CHI3L1: variants seen among roughly 807,000 people sequenced by gnomAD.
CHI3L1 encodes the protein chitinase-3-like protein 1.
CHI3L1 carries 30 observed loss-of-function variants against 40.7 expected under a neutral mutation model. The observed-to-expected ratio is 0.74, with a 90% CI of 0.55 to 1.00. The LOEUF (loss-of-function observed/expected upper bound fraction) is 1.00, where lower values mean the gene tolerates loss of function less well. Among genes scored for constraint, CHI3L1 ranks in the 50% least tolerant of loss-of-function variants. CHI3L1 has a pLI of 0.00. For synonymous variants in CHI3L1, 210 were observed against 192.1 expected, an observed-to-expected ratio of 1.09 and a Z score of -0.77; for missense variants, 493 against 492.2, an observed-to-expected ratio of 1.00 and a Z score of -0.01.
intron 4 of CHI3L1, among the ~76,000 whole-genome samples, chr1:203,184,202 C>T (rs1035592553): frequency 6.6e-6 from 1 of 152,220 alleles, no homozygotes; most frequent in Non-Finnish European, 1.5e-5. Flanking sequence ...CCAACCCCAC[C>T]TAATCCAAAG....
intron 7 of CHI3L1, 49 bp from the exon 8 acceptor site, chr1:203,180,701 G>C (rs532425971): frequency 5.6e-6 from 8 of 1,425,044 alleles, no homozygotes; most frequent in Non-Finnish European, 7.7e-6. Context: ...GCACAGGTGC[G>C]GAAGGTTGAG....
At position 203,186,655 on chromosome 1, in the gene CHI3L1, C is replaced by G. The variant is rs1656062590; in HGVS notation, c.-32G>C. 6.2e-7 allele frequency: 1 copy of G among 1,613,802 alleles called. No individual in the cohort carries two copies. The highest frequency in any genetic ancestry group is 1.7e-5 in the Admixed American group (1 of 59,996). On this transcript the variant is annotated 5_prime_UTR_variant, in exon 1 of 10. Transcript: ENST00000255409. Reference sequence around the variant, plus strand: ...TGCAGCAGAGCAGGGCAGGGTGTGGCCTCTTCCCTTGCCCACGGCTCCTGG... The same window carrying G: ...TGCAGCAGAGCAGGGCAGGGTGTGGGCTCTTCCCTTGCCCACGGCTCCTGG...
chr1:203,179,593 G>T lies in CHI3L1; in HGVS notation c.1012-8C>A. On this transcript the variant is annotated splice_polypyrimidine_tract_variant and splice_region_variant and intron_variant, in intron 9 of 9. Transcript: ENST00000255409. ...GTCCTTCAGGTACTGCACCTGGCAG[G>T]GGAGGCCCAGAGGAGCAGGGCTGGG... 1 of 1,612,038 alleles carries T rather than the reference G, an allele frequency of 6.2e-7. No homozygotes were observed. The highest frequency in any genetic ancestry group is 8.5e-7 in the Non-Finnish European group (1 of 1,178,378).
At chr1:203,179,661 G>A (rs746542665) in intron 9 of CHI3L1, 76 bp from the exon 10 acceptor site, 1 of 1,613,742 alleles carries the variant, frequency 6.2e-7, no homozygotes, top group Non-Finnish European at 8.5e-7. Context: ...TGCTCTGTGA[G>A]CCCAGCCCAG....
rs880633 is a variant in CHI3L1 at position 203,183,673 on chromosome 1, T to C, written c.433A>G (p.Arg145Gly). Residue 145 changes from arginine (R) to glycine (G), a missense_variant, in exon 5 of 10, where the codon AGA (arginine) becomes GGA (glycine). Physicochemically the swap from Arg to Gly is moderately radical, Grantham distance 125 (BLOSUM62 -2). Transcript: ENST00000255409. Reference protein sequence around the residue: ...LDLAWLYPGRRDKQHFTTLIK... With the variant: ...LDLAWLYPGRGDKQHFTTLIK... ...AGGGTGGTAAAATGCTGTTTGTCTC[T>C]CCGTCCAGGGTAGAGCCAGGCAAGG... The C allele has an allele frequency of 0.49, 790,728 of 1,613,670 alleles. 199,632 individuals are homozygous for C. Among genetic ancestry groups the C allele is most frequent in the Non-Finnish European group, 0.52 (618,195 of 1,179,758 alleles).
In CHI3L1 at chr1:203,179,000, AT is replaced by A. The variant is rs1190974208; in HGVS notation, c.*444del. The A allele has an allele frequency of 6.4e-6, 1 of 157,328 alleles. No homozygotes were observed. Among genetic ancestry groups the A allele is most frequent in the East Asian group, 1.9e-4 (1 of 5,316 alleles). The allele number at this position is 157,328 out of a possible 1,614,324, so 9.7% of individuals were successfully genotyped here. A position where few individuals can be genotyped will look rare whatever the true frequency, so the allele number is the denominator to read the frequency against. On this transcript the variant is annotated 3_prime_UTR_variant, in exon 10 of 10. Coordinates refer to ENST00000255409, the MANE Select transcript of CHI3L1 (RefSeq NM_001276.4). ...AAGGGGAAGTAGGATAGGGGACACGATTACGTTCCTAAGTGAAGGTTTCAAG... is the reference window on the plus strand; with the variant it reads ...AAGGGGAAGTAGGATAGGGGACACGATACGTTCCTAAGTGAAGGTTTCAAG...
In CHI3L1 at chr1:203,181,190, T is replaced by C; in HGVS notation, c.683A>G (p.Asp228Gly). The C allele has an allele frequency of 6.2e-7, 1 of 1,614,126 alleles. No individual in the cohort carries two copies. The highest frequency in any genetic ancestry group is 1.3e-5 in the African/African-American group (1 of 75,042). Residue 228 changes from aspartate (D) to glycine (G), a missense_variant, in exon 7 of 10, where the codon GAT becomes GGT. Coordinates refer to ENST00000255409, the MANE Select transcript of CHI3L1 (RefSeq NM_001276.4). ...GTTGCTGAATCTGTCAGGACTTGCA[T>C]CCTCCTGACCTCGGAACAGGGGACT... Reference protein sequence around the residue: ...HHSPLFRGQEDASPDRFSNTD... With the variant: ...HHSPLFRGQEGASPDRFSNTD...
rs913443459 is a variant in CHI3L1 at position 203,185,492 on chromosome 1, G to C, written c.56-107C>G. ...GGTGTGGGGTTGGGTAGGGAGGAGT[G>C]GGGTGCAGATTGTGAGCAAAGTCAG... On this transcript the variant is annotated intron_variant, in intron 2 of 9. Coordinates refer to ENST00000255409, the MANE Select transcript of CHI3L1 (RefSeq NM_001276.4). 8 of 907,634 alleles carry C rather than the reference G, an allele frequency of 8.8e-6. No homozygotes were observed. In the South Asian group the frequency reaches 1.0e-4, roughly 11 times the overall value. 56.2% of individuals were successfully genotyped at this position (907,634 alleles called of 1,614,324 possible).
At chr1:203,179,631 G>C in intron 9 of CHI3L1, 46 bp from the exon 10 acceptor site, 4 of 1,613,738 alleles carry the variant, frequency 2.5e-6, no homozygotes, top group Non-Finnish European at 2.5e-6. Flanking sequence ...CCCTGACCCA[G>C]AGTGTGTACA....
intron 4 of CHI3L1, 23 bp downstream of exon 4, chr1:203,184,553 T>G (rs1656014787): frequency 1.2e-6 from 2 of 1,604,020 alleles, no homozygotes; most frequent in South Asian, 2.2e-5. Context: ...TCTGCCGTCC[T>G]GCCCCTGGGG....
rs759002336 is a variant in CHI3L1 at position 203,185,246 on chromosome 1, G to A, written c.195C>T (p.His65=). 5.6e-6 allele frequency: 9 copies of A among 1,614,228 alleles called. No individual in the cohort carries two copies. The highest frequency in any genetic ancestry group is 5.9e-6 in the Non-Finnish European group (7 of 1,180,040). The change falls in exon 3 of 10, where the codon CAC becomes CAT. Residue 65 remains histidine (H), a synonymous_variant. Coordinates refer to ENST00000255409, the MANE Select transcript of CHI3L1 (RefSeq NM_001276.4). ...CATCATTCCACTCCCAGGTGTCGATGTGATCGTTGCTTATATTGGCAAAGC... is the reference window on the plus strand; with the variant it reads ...CATCATTCCACTCCCAGGTGTCGATATGATCGTTGCTTATATTGGCAAAGC... The part of the protein sequence containing the change: ...IYSFANISND[H]IDTWEWNDVT...
rs772869145 is a variant in CHI3L1 at position 203,180,631 on chromosome 1, A to G, written c.733T>C (p.Leu245=). ...SNTDYAVGYM[L]RLGAPASKLV... is the part of the protein sequence containing the mutation. The stretch of plus-strand genomic sequence containing the variant: ...TTACTGGCAGGAGCCCCCAGCCTCA[A>G]CATGTACCCCACAGCATAGTCCTGG... Residue 245 remains leucine (L), a synonymous_variant, in exon 8 of 10, where the codon TTG becomes CTG. Coordinates refer to ENST00000255409, the MANE Select transcript of CHI3L1 (RefSeq NM_001276.4). 15 of 1,594,244 alleles carry G rather than the reference A, an allele frequency of 9.4e-6. No individual in the cohort carries two copies. Among genetic ancestry groups the G allele is most frequent in the Non-Finnish European group, 1.3e-5 (15 of 1,166,516 alleles).
rs1655876363 is a variant in CHI3L1 at position 203,179,375 on chromosome 1, G to A, written c.*70C>T. On this transcript the variant is annotated 3_prime_UTR_variant, in exon 10 of 10. Coordinates refer to ENST00000255409, the MANE Select transcript of CHI3L1 (RefSeq NM_001276.4). ...GGGACTCAGCAGGGCAGGTGATCAG[G>A]CTCCCGGCCAGCTGGAGCCAGAGGG... The A allele has an allele frequency of 4.3e-6, 6 of 1,408,446 alleles. No individual in the cohort carries two copies. The highest frequency in any genetic ancestry group is 5.8e-6 in the Non-Finnish European group (6 of 1,037,896). 87.2% of individuals were successfully genotyped at this position (1,408,446 alleles called of 1,614,324 possible).
In CHI3L1 at chr1:203,186,619, C is replaced by T. The variant is rs370191524; in HGVS notation, c.5G>A (p.Gly2Asp). ...GATACCTGTTTGAGACGCCTTCACACCCATTCTGGCTGCAGCAGAGCAGGG... is the reference window on the plus strand; with the variant it reads ...GATACCTGTTTGAGACGCCTTCACATCCATTCTGGCTGCAGCAGAGCAGGG... M[G>D]VKASQTGFVV... Residue 2 changes from glycine (G) to aspartate (D), a missense_variant, in exon 1 of 10, where the codon GGT becomes GAT. Transcript: ENST00000255409. The T allele has an allele frequency of 3.6e-5, 58 of 1,614,146 alleles. No homozygotes were observed. Among genetic ancestry groups the T allele is most frequent in the Non-Finnish European group, 4.7e-5 (56 of 1,180,030 alleles).
chr1:203,185,405 T>C lies in CHI3L1; in HGVS notation c.56-20A>G, dbSNP rs777928517. On this transcript the variant is annotated intron_variant, in intron 2 of 9. Coordinates refer to ENST00000255409, the MANE Select transcript of CHI3L1 (RefSeq NM_001276.4). The stretch of plus-strand genomic sequence containing the variant: ...CAGAGCCTGAAGGAGAAGTCTGGGA[T>C]GGGGCCCGGGCCAGGATTCGGCAAG... 1 of 1,611,214 alleles carries C rather than the reference T, an allele frequency of 6.2e-7. No homozygotes were observed.
Position 203,181,254 on chromosome 1 carries a change from C to G in CHI3L1, c.619G>C (p.Asp207His), listed in dbSNP as rs141218577. 92 of 1,613,824 alleles carry G rather than the reference C, an allele frequency of 5.7e-5. No individual in the cohort carries two copies. The highest frequency in any genetic ancestry group is 7.8e-5 in the Non-Finnish European group (92 of 1,179,938). The change falls in exon 7 of 10, where the codon GAT (aspartate) becomes CAT (histidine). Residue 207 changes from aspartate to histidine, a missense_variant. By Grantham distance (81) the Asp-to-His change is moderately conservative. Coordinates refer to ENST00000255409, the MANE Select transcript of CHI3L1 (RefSeq NM_001276.4). Reference sequence around the variant, plus strand: ...GTCCCACGCCAGGCTCCATGAAAATCGTAGGTCATGATGCTAATGAAATCC... The same window carrying G: ...GTCCCACGCCAGGCTCCATGAAAATGGTAGGTCATGATGCTAATGAAATCC... Reference protein sequence around the residue: ...HLDFISIMTYDFHGAWRGTTG... With the variant: ...HLDFISIMTYHFHGAWRGTTG...
rs753919425 is a variant in CHI3L1, at chr1:203,179,793, C to T, written c.979G>A (p.Gly327Arg). ...PYATKGNQWV[G>R]YDDQESVKSK... ...TTGACGCTTTCCTGGTCGTCGTATC[C>T]TACCCACTGGTTGCCCTTGGTGGCA... Residue 327 changes from glycine to arginine, a missense_variant, in exon 9 of 10, where the codon GGA (glycine) becomes AGA (arginine). Gly to Arg is a moderately radical substitution (Grantham distance 125, BLOSUM62 -2). Coordinates refer to ENST00000255409, the MANE Select transcript of CHI3L1 (RefSeq NM_001276.4). 6.2e-7 allele frequency: 1 copy of T among 1,614,228 alleles called. No homozygotes were observed. The highest frequency in any genetic ancestry group is 1.1e-5 in the South Asian group (1 of 91,090).
chr1:203,184,356 T>G (rs531440310), intron 4 of CHI3L1, among the ~76,000 whole-genome samples: 1 of 152,264 alleles, frequency 6.6e-6, no homozygotes, highest in African/African-American at 2.4e-5. Flanking sequence ...AATTGGGAGA[T>G]CCACTGTTAA....
rs778571121 is a variant in CHI3L1, at chr1:203,180,521, C to G, written c.843G>C (p.Pro281=). The change falls in exon 8 of 10, where the codon CCG becomes CCC. Residue 281 remains proline (P), a synonymous_variant. Transcript: ENST00000255409. ...CCTTGGTGAACCGGCCTGGAATTCCCGGTCCTGAGATTGGGGCTCCAACAC... is the reference window on the plus strand; with the variant it reads ...CCTTGGTGAACCGGCCTGGAATTCCGGGTCCTGAGATTGGGGCTCCAACAC... ...ETGVGAPISG[P]GIPGRFTKEA... is the part of the protein sequence containing the mutation. 1 of 1,609,680 alleles carries G rather than the reference C, an allele frequency of 6.2e-7. No individual in the cohort carries two copies. Among genetic ancestry groups the G allele is most frequent in the Non-Finnish European group, 8.5e-7 (1 of 1,178,504 alleles).
Sources: gnomAD v4.1 joint callset for allele counts (sites outside exome capture counted in the v4.1 genomes callset) on GRCh38, gnomAD v4.1.1 for gene constraint, MANE v1.5 for transcripts, NCBI Gene and HGNC (gene_info 2026-07-23, HGNC 2026-07-21) for gene names.